CPLANE1: variants seen among roughly 807,000 people sequenced by gnomAD.
The protein encoded by CPLANE1 is ciliogenesis and planar polarity effector 1.
A neutral mutation model predicts 362.5 loss-of-function variants in CPLANE1; 263 were observed. The ratio of observed to expected loss-of-function variants is 0.73; its 90% CI spans 0.66 to 0.80. The LOEUF (loss-of-function observed/expected upper bound fraction) is 0.80, where lower values mean the gene tolerates loss of function less well. Among genes scored for constraint, CPLANE1 ranks in the 30% least tolerant of loss-of-function variants. The pLI is 0.00. For missense variants in CPLANE1, 3,461 were observed against 3,793.4 expected (o/e 0.91, Z 2.30); for synonymous variants, 1,212 against 1,302.6 (o/e 0.93, Z 1.50).
intron 1 of CPLANE1, among the ~76,000 whole-genome samples, chr5:37,248,328 C>G (rs1174884467): frequency 6.6e-6 from 1 of 151,948 alleles, no homozygotes; most frequent in Admixed American, 6.6e-5. Flanking sequence ...CCGGGTTTCA[C>G]CATGTTGGCC....
chr5:37,182,228 AT>A (rs1782852857), intron 26 of CPLANE1, among the ~76,000 whole-genome samples: 1 of 152,108 alleles, frequency 6.6e-6, no homozygotes, highest in East Asian at 1.9e-4. Flanking sequence ...TCAGCCTAGA[AT>A]AAACTACTTC....
intron 13 of CPLANE1, 42 bp from the exon 14 acceptor site, chr5:37,224,375 T>C: frequency 1.4e-6 from 2 of 1,396,752 alleles, no homozygotes; most frequent in South Asian, 1.3e-5. Flanking sequence ...GTTAATTATA[T>C]TACTTCATAA....
chr5:37,087,495 T>A, the CPLANE1 span, among the ~76,000 whole-genome samples: 1 of 152,148 alleles, frequency 6.6e-6, no homozygotes, highest in South Asian at 2.1e-4. Context: ...TTCACTCTGT[T>A]GCCCAGACTG....
the CPLANE1 span, among the ~76,000 whole-genome samples, chr5:37,089,747 G>A: frequency 6.6e-6 from 1 of 152,074 alleles, no homozygotes; most frequent in Non-Finnish European, 1.5e-5. Context: ...TAGCAGAACA[G>A]GACAGAGAAA....
chr5:37,198,915 T>G (rs778037214), intron 19 of CPLANE1, 49 bp from the exon 20 acceptor site: 3 of 1,555,430 alleles, frequency 1.9e-6, no homozygotes, highest in Non-Finnish European at 2.6e-6. Context: ...TGAGAAAATT[T>G]AGAATGTTAA....
intron 23 of CPLANE1, among the ~76,000 whole-genome samples, chr5:37,187,072 A>AAAAACAAAAC (rs1784274781): frequency 1.4e-5 from 2 of 147,666 alleles, no homozygotes; most frequent in African/African-American, 5.0e-5. Context: ...AAAAAAAAAA[A>AAAAACAAAAC]AAAAAAAAAA....
At chr5:37,132,500 A>G (rs765801602) in intron 46 of CPLANE1, among the ~76,000 whole-genome samples, 28 of 151,670 alleles carry the variant, frequency 1.8e-4, no homozygotes, top group Admixed American at 3.3e-4. Flanking sequence ...GCCCGCCACC[A>G]CGCCCGGCTA....
chr5:37,224,175 G>T, intron 14 of CPLANE1, 78 bp downstream of exon 14: 1 of 920,740 alleles, frequency 1.1e-6, no homozygotes, highest in South Asian at 1.7e-5. Context: ...TTGGAATTTA[G>T]AATTACTGTT....
At chr5:37,110,895 C>T (rs1354291471) in intron 51 of CPLANE1, among the ~76,000 whole-genome samples, 2 of 150,022 alleles carry the variant, frequency 1.3e-5, no homozygotes, top group Non-Finnish European at 3.0e-5. Flanking sequence ...ACAACCTCTG[C>T]CTCCCGGGTT....
intron 14 of CPLANE1, among the ~76,000 whole-genome samples, chr5:37,222,076 C>G (rs1308928701): frequency 6.6e-6 from 1 of 152,066 alleles, no homozygotes; most frequent in African/African-American, 2.4e-5. Context: ...CCCCTGACAA[C>G]TGCCTTTACG....
intron 44 of CPLANE1, chr5:37,141,944 T>A: frequency 1.9e-6 from 1 of 523,802 alleles, no homozygotes; most frequent in Non-Finnish European, 2.5e-6. Flanking sequence ...TGGCACATGG[T>A]AGAGGCTCAA....
At position 37,196,781 on chromosome 5, in the gene CPLANE1, T is replaced by C. The variant is rs1452504620; in HGVS notation, c.3673-785A>G. ...CTCTACTAAAAACACAAAAATTAGTTGGGCGAGGTGGCAGGCGCCTGTAGT... is the reference window on the plus strand; with the variant it reads ...CTCTACTAAAAACACAAAAATTAGTCGGGCGAGGTGGCAGGCGCCTGTAGT... On this transcript the variant is annotated intron_variant, in intron 20 of 52. Transcript: ENST00000651892. Among the ~76,000 whole-genome samples, 4 of 151,888 alleles carry C rather than the reference T, an allele frequency of 2.6e-5. No individual in the cohort carries two copies. The South Asian group carries it at 6.2e-4, about 24-fold the overall frequency.
chr5:37,175,991 C>T lies in CPLANE1; in HGVS notation c.5901-5G>A. The T allele has an allele frequency of 6.3e-7, 1 of 1,598,532 alleles. No individual in the cohort carries two copies. Among genetic ancestry groups the T allele is most frequent in the Non-Finnish European group, 8.6e-7 (1 of 1,166,654 alleles). The stretch of plus-strand genomic sequence containing the variant: ...TGTGAAAAGGCTTCGATCATACTAT[C>T]AATAAAAATTAACAGGTGATTAGTA... On this transcript the variant is annotated splice_polypyrimidine_tract_variant and splice_region_variant and intron_variant, in intron 30 of 52. Coordinates refer to ENST00000651892, the MANE Select transcript of CPLANE1 (RefSeq NM_001384732.1).
chr5:37,168,274 C>T (rs927531979), intron 34 of CPLANE1, among the ~76,000 whole-genome samples: 1 of 152,170 alleles, frequency 6.6e-6, no homozygotes, highest in Non-Finnish European at 1.5e-5. Flanking sequence ...GAAGATCATA[C>T]AATAATTGCT....
At chr5:37,186,925 T>G (rs964199705) in intron 23 of CPLANE1, among the ~76,000 whole-genome samples, 1 of 151,832 alleles carries the variant, frequency 6.6e-6, no homozygotes, top group African/African-American at 2.4e-5. Flanking sequence ...GCCGGGCGTG[T>G]TGGCGGGAGC....
Position 37,190,398 on chromosome 5 carries a change from T to C in CPLANE1, c.3812-2556A>G, listed in dbSNP as rs567686332. ...GCTTGGGCAAAAAAGTGAGGCCCTG[T>C]CTTTATGAAAAAATGAAAAAAAAAA... is the stretch of plus-strand genomic sequence containing the variant. On this transcript the variant is annotated intron_variant, in intron 21 of 52. Transcript: ENST00000651892. Among the ~76,000 whole-genome samples the C allele has an allele frequency of 8.3e-4, 126 of 150,932 alleles. 1 individual carries two copies. Among genetic ancestry groups the C allele is most frequent in the South Asian group, 7.1e-3 (34 of 4,774 alleles).
Position 37,153,757 on chromosome 5 carries a change from C to A in CPLANE1, c.8356G>T (p.Asp2786Tyr). The change falls in exon 42 of 53, where the codon GAT (aspartate) becomes TAT (tyrosine). Residue 2786 changes from aspartate to tyrosine, a missense_variant. Asp to Tyr is a radical substitution (Grantham distance 160, BLOSUM62 -3). Coordinates refer to ENST00000651892, the MANE Select transcript of CPLANE1 (RefSeq NM_001384732.1). ...EQDFPKPEMLDLHCDKIGPVD... is the reference protein window; with the variant it reads ...EQDFPKPEMLYLHCDKIGPVD... ...TAGTCTACCTTATCACAATGTAGAT[C>A]TAGCATTTCAGGCTTGGGGAAATCC... The A allele has an allele frequency of 6.2e-7, 1 of 1,612,790 alleles. No homozygotes were observed. The highest frequency in any genetic ancestry group is 2.2e-5 in the East Asian group (1 of 44,846).
chr5:37,136,451 C>A (rs947331853), intron 46 of CPLANE1, among the ~76,000 whole-genome samples: 4 of 152,160 alleles, frequency 2.6e-5, no homozygotes, highest in Admixed American at 2.0e-4. Context: ...GCTTTCACAG[C>A]CAGCATTGTC....
intron 38 of CPLANE1, among the ~76,000 whole-genome samples, chr5:37,159,669 T>C (rs897386338): frequency 1.3e-5 from 2 of 152,212 alleles, no homozygotes; most frequent in African/African-American, 4.8e-5. Flanking sequence ...GTAACTCATA[T>C]TGAGTACTTG....
Sources: allele counts gnomAD v4.1 joint callset (sites outside exome capture counted in the v4.1 genomes callset), GRCh38; gene constraint gnomAD v4.1.1; transcripts MANE v1.5; gene names NCBI Gene and HGNC (gene_info 2026-07-23, HGNC 2026-07-21).